The following GPATCH8 variants were observed in gnomAD, a reference collection of about 807,000 sequenced individuals.
The protein encoded by GPATCH8 is G patch domain-containing protein 8.
Under a neutral mutation model 118.3 loss-of-function variants are expected in GPATCH8, and 18 were observed. That is an observed-to-expected ratio of 0.15 (90% CI 0.11 to 0.23). The LOEUF (loss-of-function observed/expected upper bound fraction) is 0.23, where lower values mean the gene tolerates loss of function less well. Among genes scored for constraint, GPATCH8 ranks in the 10% least tolerant of loss-of-function variants. The pLI is 1.00. For synonymous variants in GPATCH8, 659 were observed against 684.7 expected, an observed-to-expected ratio of 0.96 and a Z score of 0.59; for missense variants, 1,631 against 1,873.8, an observed-to-expected ratio of 0.87 and a Z score of 2.39.
intron 3 of GPATCH8, among the ~76,000 whole-genome samples, chr17:44,441,391 T>C (rs1037242191): frequency 8.9e-5 from 3 of 33,740 alleles, no homozygotes; most frequent in African/African-American, 2.1e-4. Context: ...TCTCTGCTGC[T>C]TTCCCCTTAC....
intron 3 of GPATCH8, among the ~76,000 whole-genome samples, chr17:44,454,739 T>C (rs1352786248): frequency 6.6e-6 from 1 of 152,224 alleles, no homozygotes; most frequent in Non-Finnish European, 1.5e-5. Flanking sequence ...TTTTCTGTTT[T>C]ATCCCTAAAA....
intron 6 of GPATCH8, among the ~76,000 whole-genome samples, chr17:44,420,008 C>A (rs9903243): frequency 0.6 from 91,544 of 151,382 alleles, 27,844 homozygotes; most frequent in Middle Eastern, 0.67. Flanking sequence ...TCACCAAAAA[C>A]CAAAACCAAA....
At chr17:44,408,017 C>T (rs1461586850) in intron 6 of GPATCH8, among the ~76,000 whole-genome samples, 1 of 151,986 alleles carries the variant, frequency 6.6e-6, no homozygotes. Context: ...TAAATAAATA[C>T]GAATTCTAAT....
At chr17:44,485,865 A>G (rs1274794383) in intron 1 of GPATCH8, among the ~76,000 whole-genome samples, 1 of 152,148 alleles carries the variant, frequency 6.6e-6, no homozygotes, top group East Asian at 1.9e-4. Flanking sequence ...TATGCCCTAT[A>G]TAAGAACATT....
intron 1 of GPATCH8, among the ~76,000 whole-genome samples, chr17:44,499,096 T>C (rs1284611367): frequency 6.6e-6 from 1 of 152,252 alleles, no homozygotes; most frequent in Admixed American, 6.5e-5. Context: ...TATTACGACC[T>C]TTAACATAGC....
chr17:44,479,031 A>G (rs1281004216), intron 1 of GPATCH8, among the ~76,000 whole-genome samples: 1 of 152,228 alleles, frequency 6.6e-6, no homozygotes, highest in Non-Finnish European at 1.5e-5. Context: ...AATTTAGGAC[A>G]ACTATGTGAT....
chr17:44,470,492 C>T (rs992959486), intron 2 of GPATCH8, among the ~76,000 whole-genome samples: 10 of 142,764 alleles, frequency 7.0e-5, no homozygotes, highest in Non-Finnish European at 3.0e-5. Flanking sequence ...CTGCACCCAG[C>T]GCTTTTTTTT....
chr17:44,429,899 C>A (rs2050241603), intron 5 of GPATCH8, among the ~76,000 whole-genome samples: 4 of 151,854 alleles, frequency 2.6e-5, no homozygotes, highest in Non-Finnish European at 5.9e-5. Context: ...CGTGGTGGCG[C>A]ACGCCTGTAA....
chr17:44,483,653 T>A (rs1332772262), intron 1 of GPATCH8, among the ~76,000 whole-genome samples: 1 of 151,968 alleles, frequency 6.6e-6, no homozygotes, highest in African/African-American at 2.4e-5. Context: ...TTATTTTTTA[T>A]TTTTTTGAGA....
At chr17:44,485,120 T>C (rs1598618879) in intron 1 of GPATCH8, among the ~76,000 whole-genome samples, 3 of 152,028 alleles carry the variant, frequency 2.0e-5, no homozygotes, top group Admixed American at 2.0e-4. Flanking sequence ...AAGCCTGTTT[T>C]TATTTTCTGA....
At chr17:44,429,239 C>T (rs1206747130) in intron 5 of GPATCH8, among the ~76,000 whole-genome samples, 1 of 152,138 alleles carries the variant, frequency 6.6e-6, no homozygotes, top group Non-Finnish European at 1.5e-5. Flanking sequence ...CATATATCAA[C>T]ACAGTATAAT....
chr17:44,430,228 A>T (rs945075986), intron 5 of GPATCH8, among the ~76,000 whole-genome samples: 1 of 152,218 alleles, frequency 6.6e-6, no homozygotes, highest in Non-Finnish European at 1.5e-5. Flanking sequence ...ACATTACAAG[A>T]AAACTACAGA....
intron 3 of GPATCH8, among the ~76,000 whole-genome samples, chr17:44,452,282 A>AG (rs773753477): frequency 6.6e-6 from 1 of 150,544 alleles, no homozygotes; most frequent in East Asian, 1.9e-4. Context: ...CAAAAAAAAA[A>AG]AAAAAAAGAA....
intron 1 of GPATCH8, among the ~76,000 whole-genome samples, chr17:44,475,940 G>A (rs139527266): frequency 2.4e-3 from 363 of 152,134 alleles, no homozygotes; most frequent in African/African-American, 8.6e-3. Context: ...GTGATGGGAG[G>A]ATCACTTAGG....
At chr17:44,449,148 A>G (rs754182821) in intron 3 of GPATCH8, among the ~76,000 whole-genome samples, 44 of 152,206 alleles carry the variant, frequency 2.9e-4, no homozygotes, top group Middle Eastern at 6.8e-3. Flanking sequence ...GTGATGGCAC[A>G]TGCCTGTAAT....
intron 5 of GPATCH8, 79 bp downstream of exon 5, chr17:44,434,986 T>G (rs950876196): frequency 1.3e-6 from 1 of 777,730 alleles, no homozygotes; most frequent in Admixed American, 1.7e-5. Context: ...GCAACAGTGA[T>G]GATTTTCAAC....
intron 3 of GPATCH8, among the ~76,000 whole-genome samples, chr17:44,454,266 A>C (rs916929069): frequency 6.6e-6 from 1 of 152,046 alleles, no homozygotes; most frequent in African/African-American, 2.4e-5. Flanking sequence ...CAGCCTCCCA[A>C]GTAGCTAGGA....
chr17:44,417,590 C>T (rs570039147), intron 6 of GPATCH8, among the ~76,000 whole-genome samples: 4 of 152,288 alleles, frequency 2.6e-5, no homozygotes, highest in African/African-American at 9.6e-5. Flanking sequence ...AGACTGAAAT[C>T]GCAAGGAAGT....
intron 3 of GPATCH8, among the ~76,000 whole-genome samples, chr17:44,439,170 G>A (rs995803640): frequency 1.1e-4 from 16 of 152,196 alleles, no homozygotes; most frequent in African/African-American, 3.1e-4. Flanking sequence ...TGAGATGTCC[G>A]CAAGACTTCT....
Sources: gnomAD v4.1 joint callset for allele counts (sites outside exome capture counted in the v4.1 genomes callset) on GRCh38, gnomAD v4.1.1 for gene constraint, MANE v1.5 for transcripts, NCBI Gene and HGNC (gene_info 2026-07-23, HGNC 2026-07-21) for gene names.